Variants in NNMT observed in about 807,000 individuals in gnomAD.
NNMT encodes nicotinamide N-methyltransferase.
In NNMT, 10 loss-of-function variants were observed where a neutral mutation model predicts 11.7. The observed-to-expected ratio is 0.85, with a 90% CI of 0.53 to 1.45. The LOEUF (loss-of-function observed/expected upper bound fraction) is 1.45, where lower values mean the gene tolerates loss of function less well. Ranked by LOEUF, NNMT falls within the 40% of genes most tolerant of loss-of-function variation. The pLI, the probability that NNMT is intolerant of heterozygous loss-of-function variation, is 0.00. For missense variants in NNMT, 381 were observed against 319.4 expected (o/e 1.19, Z -1.47); for synonymous variants, 143 against 133.8 (o/e 1.07, Z -0.48).
chr11:114,258,869 G>C (rs1945051737), intron 1 of NNMT, among the ~76,000 whole-genome samples: 1 of 151,038 alleles, frequency 6.6e-6, no homozygotes, highest in African/African-American at 2.4e-5. Flanking sequence ...CCATTCCCCT[G>C]TGGGCCTGTG....
chr11:114,280,827 G>A (rs1945255499), intron 2 of NNMT, among the ~76,000 whole-genome samples: 1 of 152,194 alleles, frequency 6.6e-6, no homozygotes, highest in Non-Finnish European at 1.5e-5. Context: ...GGGCCAGTGG[G>A]GTGGGAGGGC....
intron 2 of NNMT, among the ~76,000 whole-genome samples, chr11:114,306,320 G>A (rs1284181373): frequency 1.3e-5 from 2 of 152,184 alleles, no homozygotes; most frequent in Non-Finnish European, 2.9e-5. Flanking sequence ...TCTGATGCTA[G>A]TTTCTTTTGC....
chr11:114,269,552 T>C (rs1331741539), intron 2 of NNMT: 1 of 152,262 alleles, frequency 6.6e-6, no homozygotes, highest in Admixed American at 6.5e-5. Flanking sequence ...TCATCCCTTA[T>C]AAATTTGACT....
upstream of NNMT, among the ~76,000 whole-genome samples, chr11:114,292,418 T>A (rs1945341363): frequency 6.6e-6 from 1 of 152,202 alleles, no homozygotes. Context: ...GTAGCACCTC[T>A]GGAGTCTAGA....
intron 2 of NNMT, among the ~76,000 whole-genome samples, chr11:114,311,777 G>A (rs538030282): frequency 2.0e-5 from 3 of 152,284 alleles, no homozygotes; most frequent in African/African-American, 7.2e-5. Flanking sequence ...TTCATGGAGG[G>A]AAGTCCACGG....
In NNMT at chr11:114,312,875, T is replaced by G. The variant is rs550536018; in HGVS notation, c.*398T>G. On this transcript the variant is annotated 3_prime_UTR_variant, in exon 3 of 3. Transcript: ENST00000299964. ...CCCAGGAATGGGCTTCTCCTATTCT[T>G]TAACTCTTGCCTTCTCCCTGGAGAG... is the stretch of plus-strand genomic sequence containing the variant. 1.2e-3 allele frequency: 215 copies of G among 176,732 alleles called. 1 individual carries two copies. The highest frequency in any genetic ancestry group is 2.1e-3 in the South Asian group (14 of 6,742). The allele number at this position is 176,732 out of a possible 1,614,324, so 10.9% of individuals were successfully genotyped here.
At chr11:114,306,103 T>C (rs1455334578) in intron 2 of NNMT, among the ~76,000 whole-genome samples, 1 of 152,256 alleles carries the variant, frequency 6.6e-6, no homozygotes, top group Non-Finnish European at 1.5e-5. Flanking sequence ...TGACCAGTGA[T>C]GATGAGCATT....
intron 2 of NNMT, among the ~76,000 whole-genome samples, chr11:114,265,610 T>C (rs1945114086): frequency 6.6e-6 from 1 of 152,184 alleles, no homozygotes; most frequent in South Asian, 2.1e-4. Context: ...CTTGGGACAG[T>C]GTGGCTTTCA....
At chr11:114,301,695 T>A (rs192204948) in intron 2 of NNMT, among the ~76,000 whole-genome samples, 1 of 152,176 alleles carries the variant, frequency 6.6e-6, no homozygotes, top group African/African-American at 2.4e-5. Context: ...GGTGGACACA[T>A]GTCATTATAT....
intron 2 of NNMT, among the ~76,000 whole-genome samples, chr11:114,273,446 A>G (rs550189773): frequency 2.8e-4 from 42 of 152,326 alleles, no homozygotes; most frequent in African/African-American, 9.9e-4. Flanking sequence ...AGAGAGGTCA[A>G]GATAGGAATA....
intron 2 of NNMT, among the ~76,000 whole-genome samples, chr11:114,268,790 A>G (rs79705996): frequency 1.3e-5 from 2 of 151,566 alleles, no homozygotes; most frequent in Non-Finnish European, 2.9e-5. Flanking sequence ...AAAAAAAAAA[A>G]ACTGAAACAG....
intron 1 of NNMT, among the ~76,000 whole-genome samples, chr11:114,261,001 C>A (rs1945075796): frequency 6.6e-6 from 1 of 152,186 alleles, no homozygotes; most frequent in African/African-American, 2.4e-5. Flanking sequence ...AATTGTGAAG[C>A]CAACTAGAGT....
chr11:114,294,254 A>G (rs2852431), upstream of NNMT, among the ~76,000 whole-genome samples: 146,733 of 152,042 alleles, frequency 0.97, 71,053 homozygotes, highest in East Asian at 1. Flanking sequence ...AGGCCGAGGT[A>G]GGCGGAACAC....
At chr11:114,282,231 G>A (rs1412656657) in intron 2 of NNMT, among the ~76,000 whole-genome samples, 2 of 151,776 alleles carry the variant, frequency 1.3e-5, no homozygotes, top group Non-Finnish European at 1.5e-5. Flanking sequence ...CTCAACAAAC[G>A]AACAAACAAA....
In NNMT at chr11:114,259,349, G is replaced by C. The variant is rs112291450; in HGVS notation, c.-217+1471G>C. On this transcript the variant is annotated intron_variant, in intron 1 of 4. Transcript: ENST00000535401. ...TGTACACACACGCAGAGGCCCAGTG[G>C]GGGGGGGGGAGCTCCTGCATCCCCA... is the stretch of plus-strand genomic sequence containing the variant. Among the ~76,000 whole-genome samples, 30 of 118,230 alleles carry C rather than the reference G, an allele frequency of 2.5e-4. No homozygotes were observed. In the East Asian group the frequency reaches 5.7e-3, roughly 22 times the overall value. 77.6% of individuals were successfully genotyped at this position (118,230 alleles called of 152,430 possible).
At chr11:114,303,570 T>G (rs1945459753) in intron 2 of NNMT, among the ~76,000 whole-genome samples, 1 of 152,236 alleles carries the variant, frequency 6.6e-6, no homozygotes, top group African/African-American at 2.4e-5. Context: ...CTTCAAATAT[T>G]TATTTCAAGA....
At chr11:114,301,146 C>T (rs903141929) in intron 2 of NNMT, among the ~76,000 whole-genome samples, 13 of 152,154 alleles carry the variant, frequency 8.5e-5, no homozygotes, top group South Asian at 8.3e-4. Flanking sequence ...ATTTATTGTT[C>T]GTGGGAATTA....
chr11:114,305,986 TTC>T (rs1379186964), intron 2 of NNMT, among the ~76,000 whole-genome samples: 1 of 152,232 alleles, frequency 6.6e-6, no homozygotes, highest in Admixed American at 6.5e-5. Context: ...GTGTTCCTAT[TTC>T]TCCACATCCT....
intron 2 of NNMT, among the ~76,000 whole-genome samples, chr11:114,311,287 G>T (rs149211199): frequency 7.5e-4 from 114 of 152,310 alleles, no homozygotes; most frequent in African/African-American, 2.6e-3. Flanking sequence ...CTGTGATGGC[G>T]CCACTGCGCT....
Sources: allele counts gnomAD v4.1 joint callset (sites outside exome capture counted in the v4.1 genomes callset), GRCh38; gene constraint gnomAD v4.1.1; transcripts MANE v1.5; gene names NCBI Gene and HGNC (gene_info 2026-07-23, HGNC 2026-07-21).